The following IL1RAPL1 variants were observed in gnomAD, a reference collection of about 807,000 sequenced individuals.
IL1RAPL1 encodes interleukin-1 receptor accessory protein-like 1.
A neutral mutation model predicts 48.4 loss-of-function variants in IL1RAPL1; 3 were observed. The observed-to-expected ratio is 0.06, with a 90% CI of 0.03 to 0.16. The LOEUF (loss-of-function observed/expected upper bound fraction) is 0.16. IL1RAPL1 is among the 10% of genes least tolerant of loss of function. The pLI is 1.00. For missense variants in IL1RAPL1, 349 were observed against 530.6 expected (o/e 0.66, Z 3.36); for synonymous variants, 185 against 187.7 (o/e 0.99, Z 0.12).
At chrX:29,809,147 G>C (rs769063433) in intron 6 of IL1RAPL1, among the ~76,000 whole-genome samples, 1 of 106,618 alleles carries the variant, frequency 9.4e-6, no homozygotes, top group Non-Finnish European at 1.9e-5. Flanking sequence ...ACCCAGGCTG[G>C]AGTGCAATGT....
chrX:29,071,863 G>A (rs73210020), intron 2 of IL1RAPL1, among the ~76,000 whole-genome samples: 4,655 of 111,676 alleles, frequency 0.042, 98 homozygotes, highest in Middle Eastern at 0.073. Context: ...AATGTTTATC[G>A]AACTAAAGTA....
chrX:29,949,452 A>G (rs1225629917), intron 9 of IL1RAPL1, among the ~76,000 whole-genome samples: 3 of 111,916 alleles, frequency 2.7e-5, no homozygotes, highest in African/African-American at 9.7e-5. Context: ...TTTGAAAGTC[A>G]TAAGAAAGAG....
chrX:28,811,005 C>A (rs184760129), intron 2 of IL1RAPL1, among the ~76,000 whole-genome samples: 1 of 109,757 alleles, frequency 9.1e-6, no homozygotes, highest in East Asian at 2.9e-4. Context: ...AAAATTAACC[C>A]CAGCATTCTT....
intron 3 of IL1RAPL1, among the ~76,000 whole-genome samples, chrX:29,358,731 A>G (rs1933337525): frequency 9.0e-6 from 1 of 111,020 alleles, no homozygotes; most frequent in Non-Finnish European, 1.9e-5. Flanking sequence ...TTTGTAATAT[A>G]CATCAGGCCG....
intron 2 of IL1RAPL1, among the ~76,000 whole-genome samples, chrX:28,845,111 A>G (rs1921473646): frequency 8.9e-6 from 1 of 111,826 alleles, no homozygotes; most frequent in Admixed American, 9.5e-5. Flanking sequence ...TGGAAGTAAA[A>G]GATACGATTT....
At chrX:28,757,154 T>A (rs914348599) in intron 1 of IL1RAPL1, among the ~76,000 whole-genome samples, 15 of 112,334 alleles carry the variant, frequency 1.3e-4, no homozygotes, top group African/African-American at 4.5e-4. Context: ...TGCAAAAAAT[T>A]TGCAATAAAT....
intron 2 of IL1RAPL1, among the ~76,000 whole-genome samples, chrX:28,825,775 T>G (rs1003658838): frequency 2.7e-5 from 3 of 111,348 alleles, no homozygotes; most frequent in African/African-American, 6.5e-5. Context: ...AGTAATTGAT[T>G]AGATTAGTAT....
At chrX:29,890,513 A>T (rs911848558) in intron 6 of IL1RAPL1, among the ~76,000 whole-genome samples, 8 of 112,066 alleles carry the variant, frequency 7.1e-5, no homozygotes, top group African/African-American at 2.6e-4. Context: ...ATGAGGGAAC[A>T]GTTCCTACTA....
chrX:29,381,205 A>G (rs1933692895), intron 3 of IL1RAPL1, among the ~76,000 whole-genome samples: 1 of 110,153 alleles, frequency 9.1e-6, no homozygotes, highest in African/African-American at 3.3e-5. Flanking sequence ...GCTTTGTGTA[A>G]AATCTCTCAA....
At chrX:28,989,639 T>C (rs900246323) in intron 2 of IL1RAPL1, among the ~76,000 whole-genome samples, 8 of 112,231 alleles carry the variant, frequency 7.1e-5, no homozygotes, top group Non-Finnish European at 1.3e-4. Context: ...TGTCAAACAA[T>C]TATATAGATT....
intron 2 of IL1RAPL1, among the ~76,000 whole-genome samples, chrX:29,063,846 A>T (rs1212552500): frequency 8.9e-6 from 1 of 112,248 alleles, no homozygotes; most frequent in African/African-American, 3.2e-5. Flanking sequence ...TAATATGTAT[A>T]TTTTAACAGG....
intron 1 of IL1RAPL1, among the ~76,000 whole-genome samples, chrX:28,605,635 T>G (rs960216881): frequency 3.6e-5 from 4 of 112,369 alleles, no homozygotes; most frequent in African/African-American, 1.3e-4. Context: ...ACGGTTGCCT[T>G]TTGAAAATGG....
intron 2 of IL1RAPL1, among the ~76,000 whole-genome samples, chrX:29,131,959 C>T (rs932356713): frequency 9.0e-6 from 1 of 111,440 alleles, no homozygotes; most frequent in Non-Finnish European, 1.9e-5. Flanking sequence ...CTGTGAACTG[C>T]AAATCACAGA....
intron 5 of IL1RAPL1, among the ~76,000 whole-genome samples, chrX:29,466,487 A>C (rs1293058313): frequency 2.7e-5 from 3 of 112,303 alleles, no homozygotes; most frequent in Non-Finnish European, 5.6e-5. Context: ...AGCTGAAATC[A>C]TGGGACTGAA....
chrX:29,270,578 G>A (rs1463265402), intron 2 of IL1RAPL1, among the ~76,000 whole-genome samples: 1 of 111,328 alleles, frequency 9.0e-6, no homozygotes, highest in Non-Finnish European at 1.9e-5. Flanking sequence ...AAAATCAGTG[G>A]CAAATATATG....
chrX:29,862,859 C>T (rs945151016), intron 6 of IL1RAPL1, among the ~76,000 whole-genome samples: 1 of 107,786 alleles, frequency 9.3e-6, no homozygotes, highest in Admixed American at 1.0e-4. Context: ...CTGATAGACT[C>T]TCCCGAAAAC....
At chrX:29,179,987 G>A (rs1032471363) in intron 2 of IL1RAPL1, among the ~76,000 whole-genome samples, 10 of 110,110 alleles carry the variant, frequency 9.1e-5, no homozygotes, top group South Asian at 3.9e-4. Context: ...TAATCTACTC[G>A]TGAGCACTAC....
chrX:29,319,318 A>T (rs1932785420), intron 3 of IL1RAPL1, among the ~76,000 whole-genome samples: 1 of 103,939 alleles, frequency 9.6e-6, no homozygotes, highest in Admixed American at 1.1e-4. Context: ...CAGCCTCCCG[A>T]GTAGCTAGAA....
intron 2 of IL1RAPL1, among the ~76,000 whole-genome samples, chrX:29,039,818 A>G (rs1926807046): frequency 9.3e-6 from 1 of 107,827 alleles, no homozygotes; most frequent in Non-Finnish European, 1.9e-5. Flanking sequence ...ATCCTGAGGC[A>G]GTCTAATGGC....
Sources: allele counts gnomAD v4.1 joint callset (sites outside exome capture counted in the v4.1 genomes callset), GRCh38; gene constraint gnomAD v4.1.1; transcripts MANE v1.5; gene names NCBI Gene and HGNC (gene_info 2026-07-23, HGNC 2026-07-21).